Variants in RBFOX3 observed in about 807,000 individuals in gnomAD.
RBFOX3 encodes RNA binding protein fox-1 homolog 3.
RBFOX3 carries 17 observed loss-of-function variants against 48.7 expected under a neutral mutation model. The ratio of observed to expected loss-of-function variants is 0.35; its 90% CI spans 0.24 to 0.52. RBFOX3 has a LOEUF of 0.52. Ranked by LOEUF, RBFOX3 falls within the 20% of genes least tolerant of loss-of-function variation. The pLI, the probability that RBFOX3 is intolerant of heterozygous loss-of-function variation, is 0.94. For synonymous variants in RBFOX3, 212 were observed against 209.5 expected, an observed-to-expected ratio of 1.01 and a Z score of -0.10; for missense variants, 382 against 497.5, an observed-to-expected ratio of 0.77 and a Z score of 2.21.
At chr17:79,277,914 A>G (rs979048035) in intron 3 of RBFOX3, among the ~76,000 whole-genome samples, 35 of 152,140 alleles carry the variant, frequency 2.3e-4, no homozygotes, top group African/African-American at 8.4e-4. Flanking sequence ...AGAGTTCTGG[A>G]GAGGGACTTC....
intron 4 of RBFOX3, among the ~76,000 whole-genome samples, chr17:79,146,805 A>T (rs1192489255): frequency 6.6e-6 from 1 of 152,172 alleles, no homozygotes; most frequent in East Asian, 1.9e-4. Flanking sequence ...GCTGGGGAAG[A>T]TGGTGGGTCT....
At chr17:79,465,412 G>A (rs1220476118) in intron 2 of RBFOX3, among the ~76,000 whole-genome samples, 1 of 152,192 alleles carries the variant, frequency 6.6e-6, no homozygotes, top group African/African-American at 2.4e-5. Context: ...GGACTGGAGG[G>A]CCACGGGTCG....
At chr17:79,456,468 C>T (rs1555745018) in intron 2 of RBFOX3, among the ~76,000 whole-genome samples, 1 of 152,066 alleles carries the variant, frequency 6.6e-6, no homozygotes, top group African/African-American at 2.4e-5. Context: ...TGCCATGCAT[C>T]CCCTGCTGGA....
In RBFOX3 at chr17:79,099,863, C is replaced by A. The variant is rs1191217843; in HGVS notation, c.568+1721G>T. ...GTGGGTTTGTTTTCTACAATGGAAA[C>A]CTCCACCCCCAACTGATGAATTCCA... On this transcript the variant is annotated intron_variant, in intron 9 of 14. Coordinates refer to ENST00000693108, the MANE Select transcript of RBFOX3 (RefSeq NM_001350451.2). The A allele has an allele frequency of 3.3e-5, 5 of 152,212 alleles. No homozygotes were observed. The East Asian group carries it at 7.7e-4, about 23-fold the overall frequency. The allele number at this position is 152,212 out of a possible 1,614,324, so 9.4% of individuals were successfully genotyped here.
At chr17:79,282,204 AAGG>A (rs1405587747) in intron 3 of RBFOX3, among the ~76,000 whole-genome samples, 1 of 152,160 alleles carries the variant, frequency 6.6e-6, no homozygotes, top group Non-Finnish European at 1.5e-5. Context: ...GAGGTGGTGG[AAGG>A]AGACTTTCCC....
intron 1 of RBFOX3, among the ~76,000 whole-genome samples, chr17:79,531,912 A>C (rs2087842404): frequency 6.6e-6 from 1 of 152,178 alleles, no homozygotes; most frequent in African/African-American, 2.4e-5. Flanking sequence ...CCCGCTCCGC[A>C]CACAGCAGGC....
chr17:79,472,512 A>G (rs140943572), intron 2 of RBFOX3, among the ~76,000 whole-genome samples: 1 of 152,328 alleles, frequency 6.6e-6, no homozygotes. Flanking sequence ...ACAGACATGC[A>G]CAGATCAAGG....
At chr17:79,174,108 C>T (rs1555731189) in intron 4 of RBFOX3, among the ~76,000 whole-genome samples, 2 of 152,064 alleles carry the variant, frequency 1.3e-5, no homozygotes, top group Non-Finnish European at 1.5e-5. Context: ...GAGAACAGGG[C>T]CTCTCCCCAG....
At chr17:79,213,777 T>C (rs2058673494) in intron 4 of RBFOX3, among the ~76,000 whole-genome samples, 1 of 152,190 alleles carries the variant, frequency 6.6e-6, no homozygotes. Flanking sequence ...CCACCAGATA[T>C]AACTTTGGGA....
intron 1 of RBFOX3, among the ~76,000 whole-genome samples, chr17:79,521,583 A>G (rs1403619241): frequency 6.6e-6 from 1 of 151,128 alleles, no homozygotes; most frequent in Admixed American, 6.6e-5. Flanking sequence ...CTCCACAGAC[A>G]TACACATTCA....
intron 5 of RBFOX3, among the ~76,000 whole-genome samples, chr17:79,108,153 C>A (rs1483791057): frequency 2.0e-5 from 3 of 152,230 alleles, no homozygotes; most frequent in Non-Finnish European, 4.4e-5. Context: ...ACGGAGAACC[C>A]CTCCTCAGAG....
At chr17:79,486,483 T>C (rs2079624544) in intron 1 of RBFOX3, among the ~76,000 whole-genome samples, 1 of 151,946 alleles carries the variant, frequency 6.6e-6, no homozygotes, top group South Asian at 2.1e-4. Flanking sequence ...TTCTGGGAGG[T>C]CAGTTGGGGA....
At chr17:79,469,206 A>G (rs1315161574) in intron 2 of RBFOX3, among the ~76,000 whole-genome samples, 1 of 152,178 alleles carries the variant, frequency 6.6e-6, no homozygotes, top group Admixed American at 6.5e-5. Flanking sequence ...AGGTCGGTCC[A>G]GGTCTTGACA....
At chr17:79,170,039 AAGG>A (rs61196206) in intron 4 of RBFOX3, among the ~76,000 whole-genome samples, 14,317 of 144,314 alleles carry the variant, frequency 0.099, 835 homozygotes, top group African/African-American at 0.18. Flanking sequence ...GGAGAGAAGG[AAGG>A]AGAAGAGGGA....
At chr17:79,284,805 G>A (rs989791623) in intron 3 of RBFOX3, among the ~76,000 whole-genome samples, 3 of 152,162 alleles carry the variant, frequency 2.0e-5, no homozygotes, top group Admixed American at 6.5e-5. Flanking sequence ...CTCCCAAAGT[G>A]CTGGGATTAC....
At chr17:79,651,311 C>A in the RBFOX3 span, among the ~76,000 whole-genome samples, 12 of 152,284 alleles carry the variant, frequency 7.9e-5, 1 homozygote, top group Admixed American at 6.5e-4. Context: ...TGCTGCAGGT[C>A]TTAAACATAA....
At chr17:79,455,033 G>T (rs2074236006) in intron 2 of RBFOX3, among the ~76,000 whole-genome samples, 2 of 151,934 alleles carry the variant, frequency 1.3e-5, no homozygotes, top group Admixed American at 1.3e-4. Flanking sequence ...CCCCTTTATG[G>T]GGTGTGCACA....
the RBFOX3 span, among the ~76,000 whole-genome samples, chr17:79,657,149 G>A: frequency 1.3e-5 from 2 of 152,176 alleles, no homozygotes; most frequent in Admixed American, 1.3e-4. Context: ...GAAGAATGAG[G>A]AGGAAGGGGA....
At chr17:79,271,908 G>T (rs529982390) in intron 3 of RBFOX3, among the ~76,000 whole-genome samples, 81 of 152,320 alleles carry the variant, frequency 5.3e-4, no homozygotes, top group African/African-American at 1.9e-3. Flanking sequence ...GCCAGTGACC[G>T]CAAGAACAGA....
Sources: gnomAD v4.1 joint callset for allele counts (sites outside exome capture counted in the v4.1 genomes callset) on GRCh38, gnomAD v4.1.1 for gene constraint, MANE v1.5 for transcripts, NCBI Gene and HGNC (gene_info 2026-07-23, HGNC 2026-07-21) for gene names.